FGF14: variants seen among roughly 807,000 people sequenced by gnomAD.
The protein encoded by FGF14 is fibroblast growth factor 14.
In FGF14, 5 loss-of-function variants were observed where a neutral mutation model predicts 25.5. The observed-to-expected ratio is 0.20, with a 90% CI of 0.10 to 0.41. The LOEUF is 0.41. FGF14 is among the 10% of genes least tolerant of loss of function. The pLI is 1.00. For synonymous variants in FGF14, 138 were observed against 118.3 expected, an observed-to-expected ratio of 1.17 and a Z score of -1.08; for missense variants, 222 against 320.1, an observed-to-expected ratio of 0.69 and a Z score of 2.34.
chr13:102,083,223 T>C (rs990652994), intron 1 of FGF14, among the ~76,000 whole-genome samples: 1 of 152,200 alleles, frequency 6.6e-6, no homozygotes, highest in Non-Finnish European at 1.5e-5. Flanking sequence ...CAAGCTTCCG[T>C]CATCTTTTAT....
intron 1 of FGF14, among the ~76,000 whole-genome samples, chr13:102,296,053 T>C (rs1322250607): frequency 6.6e-6 from 1 of 152,188 alleles, no homozygotes; most frequent in Non-Finnish European, 1.5e-5. Flanking sequence ...AGGACCACTG[T>C]TTCTGTTCCT....
intron 1 of FGF14, among the ~76,000 whole-genome samples, chr13:102,030,769 C>T (rs1595052903): frequency 1.3e-5 from 2 of 152,122 alleles, no homozygotes; most frequent in South Asian, 4.1e-4. Flanking sequence ...AGCTACAAAC[C>T]TCCCTCCAGC....
intron 3 of FGF14, among the ~76,000 whole-genome samples, chr13:101,821,549 A>T (rs2042157285): frequency 1.3e-5 from 2 of 152,238 alleles, no homozygotes; most frequent in African/African-American, 4.8e-5. Flanking sequence ...TCTCTTGACT[A>T]TATACCCAGG....
At chr13:102,010,934 G>C (rs949277097) in intron 1 of FGF14, among the ~76,000 whole-genome samples, 7 of 152,140 alleles carry the variant, frequency 4.6e-5, no homozygotes, top group African/African-American at 1.7e-4. Flanking sequence ...GTGAGTTTTT[G>C]TTCTCTTAAC....
rs377085757 is a variant in FGF14, at chr13:102,071,310, C to T, written c.209-196014G>A. On this transcript the variant is annotated intron_variant, in intron 1 of 4. Coordinates refer to the FGF14 transcript ENST00000376131. ...ATAAGCAAAGGAAAAACTACCGAAGCCATTTTTTCATTATACATATAAATC... is the reference window on the plus strand; with the variant it reads ...ATAAGCAAAGGAAAAACTACCGAAGTCATTTTTTCATTATACATATAAATC... Among the ~76,000 whole-genome samples the T allele has an allele frequency of 1.2e-4, 19 of 152,206 alleles. 1 individual carries two copies. In the South Asian group the frequency reaches 3.9e-3, roughly 32 times the overall value.
intron 1 of FGF14, among the ~76,000 whole-genome samples, chr13:102,287,447 A>G (rs117874340): frequency 0.013 from 2,027 of 152,282 alleles, 28 homozygotes; most frequent in Admixed American, 0.021. Flanking sequence ...AATTTAGGGG[A>G]TAATTCTTTC....
intron 1 of FGF14, among the ~76,000 whole-genome samples, chr13:102,004,890 G>A (rs185227279): frequency 6.6e-6 from 1 of 152,138 alleles, no homozygotes; most frequent in South Asian, 2.1e-4. Context: ...GGATGTGTTT[G>A]CGTCCCCTTC....
intron 1 of FGF14, among the ~76,000 whole-genome samples, chr13:101,925,065 C>A (rs1323737692): frequency 6.6e-6 from 1 of 151,888 alleles, no homozygotes; most frequent in African/African-American, 2.4e-5. Context: ...GAATAAGAAC[C>A]GAAAACTGTA....
intron 1 of FGF14, among the ~76,000 whole-genome samples, chr13:102,309,491 C>G (rs989823722): frequency 2.6e-5 from 4 of 152,096 alleles, no homozygotes; most frequent in Non-Finnish European, 5.9e-5. Flanking sequence ...GGGATTCTGC[C>G]TAGATCTGCT....
chr13:101,943,612 G>A (rs2035589596), intron 1 of FGF14, among the ~76,000 whole-genome samples: 1 of 152,068 alleles, frequency 6.6e-6, no homozygotes, highest in African/African-American at 2.4e-5. Context: ...CCCCGACTCT[G>A]CCACTTACCC....
At chr13:102,181,525 A>G (rs143285837) in intron 1 of FGF14, among the ~76,000 whole-genome samples, 492 of 152,304 alleles carry the variant, frequency 3.2e-3, no homozygotes, top group Non-Finnish European at 5.8e-3. Flanking sequence ...TTATAAGAAG[A>G]GGAGAAGAGA....
intron 1 of FGF14, among the ~76,000 whole-genome samples, chr13:102,255,260 G>A (rs2052380130): frequency 6.6e-6 from 1 of 152,156 alleles, no homozygotes; most frequent in Non-Finnish European, 1.5e-5. Flanking sequence ...AAGGCCAGAA[G>A]GGAAATCCAA....
intron 3 of FGF14, among the ~76,000 whole-genome samples, chr13:101,753,820 T>A (rs1045914198): frequency 4.0e-5 from 6 of 148,302 alleles, no homozygotes; most frequent in South Asian, 2.1e-4. Context: ...AAAAAAAAAA[T>A]TTCCTTGTTT....
At chr13:101,837,533 T>C (rs924410769) in intron 3 of FGF14, among the ~76,000 whole-genome samples, 2 of 152,114 alleles carry the variant, frequency 1.3e-5, no homozygotes, top group Admixed American at 6.6e-5. Context: ...AGGGCATTTG[T>C]ATATGAAACG....
intron 1 of FGF14, among the ~76,000 whole-genome samples, chr13:102,109,033 T>G (rs2045078529): frequency 6.6e-6 from 1 of 152,206 alleles, no homozygotes; most frequent in Non-Finnish European, 1.5e-5. Flanking sequence ...TATATATGCA[T>G]GTACACATAA....
intron 1 of FGF14, among the ~76,000 whole-genome samples, chr13:102,355,255 C>T (rs754663098): frequency 6.6e-6 from 1 of 152,096 alleles, no homozygotes; most frequent in Non-Finnish European, 1.5e-5. Flanking sequence ...TGACAAAAAA[C>T]AAATGCATTA....
intron 1 of FGF14, among the ~76,000 whole-genome samples, chr13:101,943,342 G>A (rs941364112): frequency 3.3e-5 from 5 of 152,176 alleles, no homozygotes; most frequent in African/African-American, 1.2e-4. Flanking sequence ...ATGGTCGAAA[G>A]ACATGGATAT....
chr13:102,359,518 T>G (rs951768310), intron 1 of FGF14, among the ~76,000 whole-genome samples: 2 of 152,204 alleles, frequency 1.3e-5, no homozygotes, highest in Non-Finnish European at 2.9e-5. Context: ...CTTTTGCATT[T>G]CTTTCTGCGT....
At chr13:102,223,070 A>G (rs1387418707) in intron 1 of FGF14, among the ~76,000 whole-genome samples, 1 of 152,208 alleles carries the variant, frequency 6.6e-6, no homozygotes, top group Non-Finnish European at 1.5e-5. Context: ...CACTTTGTTT[A>G]AAACCTCATT....
Sources: allele counts gnomAD v4.1 joint callset (sites outside exome capture counted in the v4.1 genomes callset), GRCh38; gene constraint gnomAD v4.1.1; transcripts MANE v1.5; gene names NCBI Gene and HGNC (gene_info 2026-07-23, HGNC 2026-07-21).